STK4: variants seen among roughly 807,000 people sequenced by gnomAD.
The protein encoded by STK4 is serine/threonine kinase 4.
STK4 carries 30 observed loss-of-function variants against 64.9 expected under a neutral mutation model. The ratio of observed to expected loss-of-function variants is 0.46; its 90% CI spans 0.35 to 0.63. The LOEUF is 0.63. Among genes scored for constraint, STK4 ranks in the 20% least tolerant of loss-of-function variants. The pLI, the probability that STK4 is intolerant of heterozygous loss-of-function variation, is 0.01. For synonymous variants in STK4, 177 were observed against 199.0 expected (o/e 0.89, Z 0.93); for missense variants, 466 against 598.5 (o/e 0.78, Z 2.31).
At chr20:45,065,405 GTTTTTT>G (rs1336120092) in intron 10 of STK4, among the ~76,000 whole-genome samples, 6 of 152,116 alleles carry the variant, frequency 3.9e-5, no homozygotes, top group South Asian at 2.1e-4. Context: ...ATGGCCTGAA[GTTTTTT>G]TGTTTTTGTT....
intron 10 of STK4, among the ~76,000 whole-genome samples, chr20:45,029,958 A>C (rs77796906): frequency 0.013 from 2,044 of 152,316 alleles, 59 homozygotes; most frequent in African/African-American, 0.047. Context: ...GGTACCAAAG[A>C]AGCACATAAA....
chr20:45,077,112 T>G lies in STK4; in HGVS notation c.*1936T>G, dbSNP rs1980574384. 6.6e-6 allele frequency: 1 copy of G among 152,186 alleles called. No homozygotes were observed. The highest frequency in any genetic ancestry group is 2.1e-4 in the South Asian group (1 of 4,832). 9.4% of individuals were successfully genotyped at this position (152,186 alleles called of 1,614,324 possible). A position where few individuals can be genotyped will look rare whatever the true frequency, so the allele number is the denominator to read the frequency against. ...AAGAAATAAGTTCAGAGAGAAAGATTCCTTCCCAAGGTCATGCAGCTAGTA... is the reference window on the plus strand; with the variant it reads ...AAGAAATAAGTTCAGAGAGAAAGATGCCTTCCCAAGGTCATGCAGCTAGTA... On this transcript the variant is annotated 3_prime_UTR_variant, in exon 11 of 11. Coordinates refer to ENST00000372806, the MANE Select transcript of STK4 (RefSeq NM_006282.5).
chr20:44,982,303 A>ATT lies in STK4; in HGVS notation c.360+371_360+372dup, dbSNP rs372174958. ...AGCTAATGTTTTGTTTTGTTTTTTA[A>ATT]TTTTTTTTTTTTGTGGAGATGGTGT... is the stretch of plus-strand genomic sequence containing the variant. On this transcript the variant is annotated intron_variant, in intron 4 of 10. Transcript: ENST00000372806. Among the ~76,000 whole-genome samples, 28 of 142,954 alleles carry ATT rather than the reference A, an allele frequency of 2.0e-4. 1 individual carries two copies. The Middle Eastern group carries it at 0.014, about 72-fold the overall frequency. The allele number at this position is 142,954 out of a possible 152,430, so 93.8% of individuals were successfully genotyped here.
intron 8 of STK4, among the ~76,000 whole-genome samples, 177 bp from the exon 9 acceptor site, chr20:45,000,990 G>A (rs753862642): frequency 2.0e-5 from 3 of 152,162 alleles, no homozygotes; most frequent in African/African-American, 7.2e-5. Context: ...TTATTATCAC[G>A]TGGATAAATT....
chr20:45,070,821 G>A (rs1305138978), intron 10 of STK4, among the ~76,000 whole-genome samples: 1 of 150,568 alleles, frequency 6.6e-6, no homozygotes, highest in Non-Finnish European at 1.5e-5. Flanking sequence ...CCAGGAGGCA[G>A]AGGTTGCAGT....
At chr20:45,032,437 A>T (rs1457592202) in intron 10 of STK4, among the ~76,000 whole-genome samples, 2 of 152,054 alleles carry the variant, frequency 1.3e-5, no homozygotes, top group African/African-American at 2.4e-5. Context: ...CTCTGCCCTC[A>T]AGGAAGCCCT....
rs1161387048 is a variant in STK4, at chr20:44,981,921, T to C, written c.338T>C (p.Ile113Thr). The C allele has an allele frequency of 1.9e-6, 3 of 1,613,406 alleles. No individual in the cohort carries two copies. Among genetic ancestry groups the C allele is most frequent in the African/African-American group, 2.7e-5 (2 of 75,012 alleles). The change falls in exon 4 of 11, where the codon ATC (isoleucine) becomes ACC (threonine). Residue 113 changes from isoleucine (I) to threonine (T), a missense_variant. Physicochemically the swap from Ile to Thr is moderately conservative, Grantham distance 89. This residue lies in a region of STK4 where 190 missense variants were observed against 289.7 expected (regional missense o/e 0.66). Transcript: ENST00000372806. ...EYCGAGSVSD[I>T]IRLRNKTLTE... ...TGTGGGGCTGGTTCTGTATCTGATA[T>C]CATTCGATTACGAAATAAAACGGTA...
At chr20:44,976,115 G>A (rs1341713493) in intron 2 of STK4, among the ~76,000 whole-genome samples, 2 of 152,210 alleles carry the variant, frequency 1.3e-5, no homozygotes, top group Admixed American at 6.5e-5. Context: ...CAGATAAAAA[G>A]TTGGGAATCT....
intron 10 of STK4, among the ~76,000 whole-genome samples, chr20:45,058,360 A>G (rs1447360642): frequency 6.6e-6 from 1 of 152,190 alleles, no homozygotes; most frequent in Non-Finnish European, 1.5e-5. Flanking sequence ...AGTGCTATGT[A>G]CTTGCAATCT....
chr20:45,059,104 T>C (rs2145455329), intron 10 of STK4, among the ~76,000 whole-genome samples: 1 of 152,250 alleles, frequency 6.6e-6, no homozygotes, highest in African/African-American at 2.4e-5. Flanking sequence ...AGTCAGAACG[T>C]TTCTGTTCAT....
In STK4 at chr20:45,044,608, T is replaced by G. The variant is rs534985818; in HGVS notation, c.1305+19478T>G. ...GTATATGGTTTGCAGTGAGCCGTGATTGTGCCACTACACTCCAGTCTGGGC... is the reference window on the plus strand; with the variant it reads ...GTATATGGTTTGCAGTGAGCCGTGAGTGTGCCACTACACTCCAGTCTGGGC... On this transcript the variant is annotated intron_variant, in intron 10 of 10. Transcript: ENST00000372806. Among the ~76,000 whole-genome samples the G allele has an allele frequency of 1.8e-3, 274 of 152,220 alleles. 1 individual carries two copies. The highest frequency in any genetic ancestry group is 3.0e-3 in the Non-Finnish European group (206 of 68,010).
chr20:44,981,216 G>A (rs778835364), intron 3 of STK4, among the ~76,000 whole-genome samples: 15 of 151,790 alleles, frequency 9.9e-5, no homozygotes, highest in Non-Finnish European at 1.5e-4. Flanking sequence ...GTGCAGTGGC[G>A]CGATTTCGGC....
Position 45,046,967 on chromosome 20 carries a change from A to G in STK4, c.1305+21837A>G, listed in dbSNP as rs539599041. Among the ~76,000 whole-genome samples, 29 of 152,292 alleles carry G rather than the reference A, an allele frequency of 1.9e-4. 1 individual carries two copies. In the East Asian group the frequency reaches 5.6e-3, roughly 29 times the overall value. ...AGTGCTGGGATTACAGGTGTGAGCT[A>G]CCACGCCCAGCCTAATTTGCTTTTC... On this transcript the variant is annotated intron_variant, in intron 10 of 10. Coordinates refer to ENST00000372806, the MANE Select transcript of STK4 (RefSeq NM_006282.5).
intron 9 of STK4, among the ~76,000 whole-genome samples, chr20:45,022,361 A>G (rs1432429079): frequency 6.6e-6 from 1 of 152,202 alleles, no homozygotes; most frequent in Non-Finnish European, 1.5e-5. Context: ...GTAAAAGCAA[A>G]TACATTTTAG....
At chr20:44,992,684 TTTTTTTGTTTG>T (rs906180362) in intron 5 of STK4, among the ~76,000 whole-genome samples, 2 of 152,046 alleles carry the variant, frequency 1.3e-5, no homozygotes, top group Non-Finnish European at 2.9e-5. Flanking sequence ...TGTACTGTTT[TTTTTTTGTTTG>T]TTTTTTGTTT....
At position 45,079,087 on chromosome 20, in the gene STK4, C is replaced by T. The variant is rs1200449826; in HGVS notation, c.*3911C>T. 2.0e-5 allele frequency: 3 copies of T among 151,584 alleles called. No homozygotes were observed. The highest frequency in any genetic ancestry group is 7.3e-5 in the African/African-American group (3 of 41,162). 9.4% of individuals were successfully genotyped at this position (151,584 alleles called of 1,614,324 possible). A position where few individuals can be genotyped will look rare whatever the true frequency, so the allele number is the denominator to read the frequency against. On this transcript the variant is annotated 3_prime_UTR_variant, in exon 11 of 11. Coordinates refer to ENST00000372806, the MANE Select transcript of STK4 (RefSeq NM_006282.5). ...AAAATTAGTCGGGCATGGTGGTGCACACCTGTAATCCCAGCTTGTCAGGAG... is the reference window on the plus strand; with the variant it reads ...AAAATTAGTCGGGCATGGTGGTGCATACCTGTAATCCCAGCTTGTCAGGAG...
chr20:45,064,151 A>G (rs934695361), intron 10 of STK4, among the ~76,000 whole-genome samples: 17 of 152,278 alleles, frequency 1.1e-4, no homozygotes, highest in African/African-American at 3.6e-4. Context: ...TGGCTAGCCA[A>G]TTATCCCAGG....
At position 45,075,004 on chromosome 20, in the gene STK4, C is replaced by T. The variant is rs1487354222; in HGVS notation, c.1306-14C>T. On this transcript the variant is annotated splice_polypyrimidine_tract_variant and intron_variant, in intron 10 of 10. Coordinates refer to ENST00000372806, the MANE Select transcript of STK4 (RefSeq NM_006282.5). ...TAAGCTTTGTCGTGACTATACCTTC[C>T]ACTTCTCTTCTAGCTTAAGAGTTGG... The T allele has an allele frequency of 6.2e-7, 1 of 1,614,064 alleles. No individual in the cohort carries two copies. The highest frequency in any genetic ancestry group is 1.1e-5 in the South Asian group (1 of 91,070).
intron 9 of STK4, chr20:45,007,686 A>AT: frequency 3.1e-6 from 1 of 319,084 alleles, no homozygotes; most frequent in Non-Finnish European, 6.2e-6. Flanking sequence ...AGTTATGGTG[A>AT]TTCTGGTGCT....
Sources: allele counts gnomAD v4.1 joint callset (sites outside exome capture counted in the v4.1 genomes callset), GRCh38; gene constraint gnomAD v4.1.1; regional missense constraint gnomAD v4.1.1; transcripts MANE v1.5; gene names NCBI Gene and HGNC (gene_info 2026-07-23, HGNC 2026-07-21).